Variants in SLC39A10 observed in about 807,000 individuals in gnomAD.
SLC39A10 encodes zinc transporter ZIP10.
In SLC39A10, 13 loss-of-function variants were observed where a neutral mutation model predicts 65.1. That is an observed-to-expected ratio of 0.20 (90% CI 0.13 to 0.32). The LOEUF is 0.32. Among genes scored for constraint, SLC39A10 ranks in the 10% least tolerant of loss-of-function variants. The probability of loss-of-function intolerance (pLI) is 1.00; values close to 1 mark genes in which losing one functional copy is unlikely to be tolerated. For missense variants in SLC39A10, 831 were observed against 1,018.4 expected (o/e 0.82, Z 2.50); for synonymous variants, 321 against 342.2 (o/e 0.94, Z 0.68).
chr2:195,642,951 A>G (rs1451118614), intron 2 of SLC39A10, among the ~76,000 whole-genome samples: 1 of 152,202 alleles, frequency 6.6e-6, no homozygotes, highest in Non-Finnish European at 1.5e-5. Flanking sequence ...ATTAAAGTAG[A>G]GGGGAGTGGC....
rs924569910 is a variant in SLC39A10 at position 195,712,145 on chromosome 2, G to A, written c.1576-1288G>A. Among the ~76,000 whole-genome samples, 5 of 152,356 alleles carry A rather than the reference G, an allele frequency of 3.3e-5. No individual in the cohort carries two copies. The South Asian group carries it at 8.3e-4, about 25-fold the overall frequency. On this transcript the variant is annotated intron_variant, in intron 5 of 9. Coordinates refer to ENST00000359634, the MANE Select transcript of SLC39A10 (RefSeq NM_020342.3). ...AAAGTCCAAGAATACTTCACTCCCTGTCTGCATCTTAATGCTTCTCCACAT... is the reference window on the plus strand; with the variant it reads ...AAAGTCCAAGAATACTTCACTCCCTATCTGCATCTTAATGCTTCTCCACAT...
At chr2:195,654,621 CT>C (rs1174946833), upstream of SLC39A10, among the ~76,000 whole-genome samples, 1,474 of 152,236 alleles carry the variant, frequency 9.7e-3, 24 homozygotes, top group African/African-American at 0.033. Context: ...ATCATTTATA[CT>C]ATTTTTATAG....
At chr2:195,723,964 G>T (rs1363952784) in intron 8 of SLC39A10, among the ~76,000 whole-genome samples, 1 of 152,150 alleles carries the variant, frequency 6.6e-6, no homozygotes, top group Non-Finnish European at 1.5e-5. Context: ...TCAATTAAGA[G>T]AGGTTATAGT....
intron 2 of SLC39A10, among the ~76,000 whole-genome samples, chr2:195,616,613 T>A (rs188620549): frequency 6.7e-6 from 1 of 148,522 alleles, no homozygotes; most frequent in African/African-American, 2.5e-5. Context: ...CCTGGATTTA[T>A]CTTGTTATGA....
At position 195,721,333 on chromosome 2, in the gene SLC39A10, C is replaced by G. The variant is rs1286629755; in HGVS notation, c.2146+3001C>G. 8.5e-5 allele frequency among the ~76,000 whole-genome samples: 13 copies of G among 152,298 alleles called. No individual in the cohort carries two copies. The East Asian group carries it at 2.5e-3, about 29-fold the overall frequency. Reference sequence around the variant, plus strand: ...TCCTGTTACATGTTTTTCATTTCAACTAAATGCAATTCACCAAATGTGTAG... The same window carrying G: ...TCCTGTTACATGTTTTTCATTTCAAGTAAATGCAATTCACCAAATGTGTAG... On this transcript the variant is annotated intron_variant, in intron 8 of 9. Coordinates refer to ENST00000359634, the MANE Select transcript of SLC39A10 (RefSeq NM_020342.3).
intron 2 of SLC39A10, among the ~76,000 whole-genome samples, chr2:195,635,463 T>G (rs747061336): frequency 6.6e-6 from 1 of 152,224 alleles, no homozygotes; most frequent in Non-Finnish European, 1.5e-5. Flanking sequence ...TTTGCCTTTT[T>G]CACTGCATTG....
intron 8 of SLC39A10, among the ~76,000 whole-genome samples, chr2:195,719,027 A>C (rs770952662): frequency 6.6e-6 from 1 of 152,010 alleles, no homozygotes; most frequent in Non-Finnish European, 1.5e-5. Flanking sequence ...ATACTCAAAA[A>C]ATAATCTTTA....
At chr2:195,631,439 G>C (rs1380374721) in intron 2 of SLC39A10, among the ~76,000 whole-genome samples, 3 of 151,744 alleles carry the variant, frequency 2.0e-5, no homozygotes, top group Non-Finnish European at 2.9e-5. Context: ...CATTTTTTCT[G>C]TTAGTGCTTA....
chr2:195,645,070 C>T (rs1167339707), intron 2 of SLC39A10, among the ~76,000 whole-genome samples: 3 of 151,938 alleles, frequency 2.0e-5, no homozygotes, highest in African/African-American at 4.8e-5. Context: ...CCACCACGCC[C>T]GGCTAATTTT....
chr2:195,703,459 C>T (rs1304695493), intron 3 of SLC39A10, among the ~76,000 whole-genome samples: 1 of 151,742 alleles, frequency 6.6e-6, no homozygotes, highest in African/African-American at 2.4e-5. Context: ...AATTTTAGTC[C>T]TAGAATTTAG....
intron 1 of SLC39A10, among the ~76,000 whole-genome samples, chr2:195,659,541 C>T (rs566028986): frequency 2.6e-5 from 4 of 152,184 alleles, no homozygotes; most frequent in African/African-American, 9.6e-5. Flanking sequence ...AGAAATTTAC[C>T]TTGTTAATAT....
intron 3 of SLC39A10, among the ~76,000 whole-genome samples, chr2:195,698,255 A>G (rs1010591695): frequency 3.9e-5 from 6 of 152,122 alleles, no homozygotes; most frequent in African/African-American, 1.4e-4. Context: ...TTCTATATGT[A>G]AGATCAAGTG....
Position 195,623,523 on chromosome 2 carries a change from A to G in SLC39A10, c.-12+17290A>G, listed in dbSNP as rs201414621. On this transcript the variant is annotated intron_variant, in intron 2 of 2. Transcript: ENST00000458054. ...GGTCACAGTAAACCAAATACTTACT[A>G]TGAAACAAATAACTGGTACTCCACA... Among the ~76,000 whole-genome samples, 14 of 152,316 alleles carry G rather than the reference A, an allele frequency of 9.2e-5. No individual in the cohort carries two copies. The East Asian group carries it at 2.5e-3, about 27-fold the overall frequency.
intron 3 of SLC39A10, among the ~76,000 whole-genome samples, chr2:195,696,992 C>G (rs1193414208): frequency 6.6e-6 from 1 of 152,052 alleles, no homozygotes; most frequent in East Asian, 1.9e-4. Flanking sequence ...TTCATATTAA[C>G]TATTCATTAA....
At chr2:195,679,577 T>C (rs527550289) in intron 1 of SLC39A10, among the ~76,000 whole-genome samples, 1 of 152,356 alleles carries the variant, frequency 6.6e-6, no homozygotes, top group African/African-American at 2.4e-5. Flanking sequence ...CATAACATGA[T>C]ATAGCCATCC....
chr2:195,640,160 C>T (rs957543072), intron 2 of SLC39A10, among the ~76,000 whole-genome samples: 1 of 151,994 alleles, frequency 6.6e-6, no homozygotes, highest in African/African-American at 2.4e-5. Flanking sequence ...CACAGCATAA[C>T]AGTACGTTGA....
chr2:195,692,324 G>A (rs1361377206), intron 3 of SLC39A10, among the ~76,000 whole-genome samples: 2 of 152,026 alleles, frequency 1.3e-5, no homozygotes, highest in African/African-American at 2.4e-5. Flanking sequence ...CATTGGCCCT[G>A]TAGGCTCTTT....
intron 8 of SLC39A10, among the ~76,000 whole-genome samples, chr2:195,727,289 G>A (rs774523663): frequency 6.6e-6 from 1 of 152,154 alleles, no homozygotes; most frequent in South Asian, 2.1e-4. Context: ...CATCAGCTCT[G>A]TGGTCATGGA....
At chr2:195,734,161 A>T (rs1692513121) in intron 9 of SLC39A10, among the ~76,000 whole-genome samples, 1 of 144,558 alleles carries the variant, frequency 6.9e-6, no homozygotes, top group Admixed American at 7.7e-5. Context: ...TTTTTTTTTA[A>T]AAAAAAAAAA....
Sources: allele counts gnomAD v4.1 joint callset (sites outside exome capture counted in the v4.1 genomes callset), GRCh38; gene constraint gnomAD v4.1.1; transcripts MANE v1.5; gene names NCBI Gene and HGNC (gene_info 2026-07-23, HGNC 2026-07-21).